Variants in LDB2 observed in about 807,000 individuals in gnomAD.
LDB2 encodes the protein LIM domain-binding protein 2.
LDB2 carries 12 observed loss-of-function variants against 44.3 expected under a neutral mutation model. The observed-to-expected ratio is 0.27, with a 90% CI of 0.17 to 0.44. The LOEUF (loss-of-function observed/expected upper bound fraction) is 0.44, where lower values mean the gene tolerates loss of function less well. Ranked by LOEUF, LDB2 falls within the 20% of genes least tolerant of loss-of-function variation. LDB2 has a pLI of 1.00. For synonymous variants in LDB2, 164 were observed against 174.8 expected, an observed-to-expected ratio of 0.94 and a Z score of 0.49; for missense variants, 344 against 473.5, an observed-to-expected ratio of 0.73 and a Z score of 2.54.
intron 2 of LDB2, among the ~76,000 whole-genome samples, chr4:16,663,791 C>G (rs1485124549): frequency 6.6e-6 from 1 of 152,082 alleles, no homozygotes; most frequent in East Asian, 1.9e-4. Flanking sequence ...CCATTTTGAC[C>G]TGATACACAG....
intron 2 of LDB2, among the ~76,000 whole-genome samples, chr4:16,702,350 TG>T (rs1466397727): frequency 1.3e-5 from 2 of 152,178 alleles, no homozygotes; most frequent in Non-Finnish European, 2.9e-5. Context: ...ACCCATGAAA[TG>T]AAAAGTCTGA....
intron 2 of LDB2, among the ~76,000 whole-genome samples, chr4:16,743,065 G>A (rs1763664298): frequency 6.6e-6 from 1 of 152,102 alleles, no homozygotes; most frequent in Admixed American, 6.5e-5. Context: ...CAAGGTGGGT[G>A]GATCACTTGA....
intron 1 of LDB2, among the ~76,000 whole-genome samples, chr4:16,818,566 C>A (rs534012600): frequency 6.6e-6 from 1 of 152,076 alleles, no homozygotes; most frequent in Non-Finnish European, 1.5e-5. Flanking sequence ...AATAGAAGAA[C>A]GTGAGCCAGG....
At chr4:16,805,545 T>C (rs1039768744) in intron 1 of LDB2, among the ~76,000 whole-genome samples, 2 of 152,130 alleles carry the variant, frequency 1.3e-5, no homozygotes, top group African/African-American at 2.4e-5. Flanking sequence ...ACTTTCTTGA[T>C]TGGAGTAGAG....
At chr4:16,679,820 G>A (rs540101342) in intron 2 of LDB2, among the ~76,000 whole-genome samples, 6 of 152,310 alleles carry the variant, frequency 3.9e-5, no homozygotes, top group East Asian at 3.9e-4. Flanking sequence ...GTGCCAGCCC[G>A]GCCAGAGCAC....
At chr4:16,526,767 T>G (rs1214428145) in intron 5 of LDB2, among the ~76,000 whole-genome samples, 1 of 152,172 alleles carries the variant, frequency 6.6e-6, no homozygotes. Context: ...AGATTCTCCC[T>G]GAGAGCCTCC....
At chr4:16,522,276 T>TTGTGTGTGTGTGTG (rs139556977) in intron 5 of LDB2, among the ~76,000 whole-genome samples, 2 of 150,350 alleles carry the variant, frequency 1.3e-5, no homozygotes, top group East Asian at 3.9e-4. Context: ...GTGTGTGTGT[T>TTGTGTGTGTGTGTG]TGTGTGTGTG....
intron 2 of LDB2, among the ~76,000 whole-genome samples, chr4:16,702,014 A>G (rs1753555317): frequency 6.6e-6 from 1 of 152,188 alleles, no homozygotes; most frequent in Non-Finnish European, 1.5e-5. Flanking sequence ...TATTACTATG[A>G]ATGCCTTTCC....
chr4:16,659,344 T>C (rs1283687851), intron 2 of LDB2, among the ~76,000 whole-genome samples: 1 of 152,168 alleles, frequency 6.6e-6, no homozygotes, highest in Non-Finnish European at 1.5e-5. Context: ...AGCCGCTCCA[T>C]TAACTTTCTT....
intron 5 of LDB2, among the ~76,000 whole-genome samples, chr4:16,548,544 G>A (rs1167863737): frequency 6.6e-6 from 1 of 152,124 alleles, no homozygotes; most frequent in African/African-American, 2.4e-5. Flanking sequence ...CAGAAATTAT[G>A]TTTTATTCCT....
chr4:16,597,667 T>G (rs746510515), intron 2 of LDB2, among the ~76,000 whole-genome samples: 1 of 152,146 alleles, frequency 6.6e-6, no homozygotes, highest in Non-Finnish European at 1.5e-5. Context: ...AATTGTCACA[T>G]TAAAAAGGTT....
chr4:16,698,481 T>C (rs533170944), intron 2 of LDB2, among the ~76,000 whole-genome samples: 34 of 152,364 alleles, frequency 2.2e-4, no homozygotes, highest in African/African-American at 7.7e-4. Flanking sequence ...AGTTTTCTCC[T>C]TGCTGTATTT....
chr4:16,611,911 A>C (rs1160340598), intron 2 of LDB2, among the ~76,000 whole-genome samples: 1 of 152,214 alleles, frequency 6.6e-6, no homozygotes, highest in Admixed American at 6.5e-5. Context: ...TAGAATATAC[A>C]TTCTTCTCAA....
intron 1 of LDB2, among the ~76,000 whole-genome samples, chr4:16,813,872 CTTTTCTT>C (rs922264599): frequency 2.7e-5 from 4 of 150,062 alleles, no homozygotes; most frequent in African/African-American, 9.8e-5. Flanking sequence ...CTTTTCTTTT[CTTTTCTT>C]TTTTTTTTTT....
chr4:16,562,695 A>C (rs1742852748), intron 5 of LDB2, among the ~76,000 whole-genome samples: 1 of 152,218 alleles, frequency 6.6e-6, no homozygotes, highest in Non-Finnish European at 1.5e-5. Flanking sequence ...ATACCATTTG[A>C]CCCAGCCATC....
chr4:16,545,441 C>T (rs924505860), intron 5 of LDB2, among the ~76,000 whole-genome samples: 1 of 152,194 alleles, frequency 6.6e-6, no homozygotes, highest in African/African-American at 2.4e-5. Context: ...TACTTTCCTT[C>T]TAACTTTTAC....
intron 1 of LDB2, among the ~76,000 whole-genome samples, chr4:16,897,950 ATAT>A (rs1725768445): frequency 3.2e-5 from 2 of 62,380 alleles, no homozygotes; most frequent in Non-Finnish European, 6.8e-5. Flanking sequence ...ACATATGTAT[ATAT>A]ATATATATAT....
chr4:16,643,902 G>A (rs1205867833), intron 2 of LDB2, among the ~76,000 whole-genome samples: 1 of 152,102 alleles, frequency 6.6e-6, no homozygotes, highest in East Asian at 1.9e-4. Context: ...AATAATTTTT[G>A]TGTGTGTGCA....
intron 5 of LDB2, among the ~76,000 whole-genome samples, chr4:16,546,286 C>A (rs765315876): frequency 6.6e-6 from 1 of 152,146 alleles, no homozygotes; most frequent in Non-Finnish European, 1.5e-5. Flanking sequence ...CAGGTATCTA[C>A]GTTTGAAGGC....
Sources: allele counts gnomAD v4.1 joint callset (sites outside exome capture counted in the v4.1 genomes callset), GRCh38; gene constraint gnomAD v4.1.1; transcripts MANE v1.5; gene names NCBI Gene and HGNC (gene_info 2026-07-23, HGNC 2026-07-21).